The following KIF14 variants were observed in gnomAD, a reference collection of about 807,000 sequenced individuals.
KIF14 encodes kinesin family member 14, also known as kinesin-like protein KIF14.
Under a neutral mutation model 176.2 loss-of-function variants are expected in KIF14, and 98 were observed. The observed-to-expected ratio is 0.56, with a 90% CI of 0.47 to 0.66. The LOEUF is 0.66. Ranked by LOEUF, KIF14 falls within the 30% of genes least tolerant of loss-of-function variation. The pLI is 0.00. For synonymous variants in KIF14, 566 were observed against 632.2 expected (o/e 0.90, Z 1.57); for missense variants, 1,751 against 1,920.4 (o/e 0.91, Z 1.65).
chr1:200,573,423 A>ATTTTTTT (rs1657921825), intron 22 of KIF14, among the ~76,000 whole-genome samples: 1 of 84,430 alleles, frequency 1.2e-5, no homozygotes, highest in African/African-American at 6.0e-5. Context: ...CAAGGAGCTC[A>ATTTTTTT]TTTCTTTTTT....
chr1:200,615,305 A>G (rs1372766243), intron 3 of KIF14, 50 bp downstream of exon 3: 2 of 1,545,898 alleles, frequency 1.3e-6, no homozygotes, highest in African/African-American at 2.8e-5. Context: ...CACTTCTCAC[A>G]AAAGTATATT....
chr1:200,567,675 T>C (rs1657546570), intron 23 of KIF14, among the ~76,000 whole-genome samples: 2 of 152,090 alleles, frequency 1.3e-5, no homozygotes, highest in African/African-American at 4.8e-5. Context: ...AATAACTTTA[T>C]CCTGGAGTCC....
Position 200,575,571 on chromosome 1 carries a change from A to G in KIF14, c.3566+20T>C. Reference sequence around the variant, plus strand: ...TGCACACACAAAGTGCAAGAAAACTAGTAACAAAATTGTCTTTACCTCCTT... The same window carrying G: ...TGCACACACAAAGTGCAAGAAAACTGGTAACAAAATTGTCTTTACCTCCTT... On this transcript the variant is annotated intron_variant, in intron 22 of 29. Coordinates refer to ENST00000367350, the MANE Select transcript of KIF14 (RefSeq NM_014875.3). The G allele has an allele frequency of 6.8e-7, 1 of 1,468,870 alleles. No individual in the cohort carries two copies. Among genetic ancestry groups the G allele is most frequent in the Non-Finnish European group, 9.4e-7 (1 of 1,064,318 alleles). 91.0% of individuals were successfully genotyped at this position (1,468,870 alleles called of 1,614,324 possible).
intron 17 of KIF14, 51 bp from the exon 18 acceptor site, chr1:200,589,420 A>C: frequency 6.8e-7 from 1 of 1,461,784 alleles, no homozygotes; most frequent in Non-Finnish European, 9.3e-7. Flanking sequence ...GTAGCAAAAA[A>C]GTACAAAAGT....
intron 21 of KIF14, among the ~76,000 whole-genome samples, chr1:200,580,041 C>T (rs1188076648): frequency 6.6e-6 from 1 of 151,766 alleles, no homozygotes; most frequent in East Asian, 1.9e-4. Context: ...TAAAACAATC[C>T]AATAAAACTC....
chr1:200,598,271 G>C lies in KIF14; in HGVS notation c.2515C>G (p.Gln839Glu), dbSNP rs775512436. Reference protein sequence around the residue: ...KYKPNSSHDIQLSGVLIADDH... With the variant: ...KYKPNSSHDIELSGVLIADDH... ...TCAGCAATCAGCACCCCAGATAACT[G>C]AATATCATGGCTTGAGTTTGGTTTA... The change falls in exon 14 of 30, where the codon CAG (glutamine) becomes GAG (glutamate). Residue 839 changes from glutamine to glutamate, a missense_variant. Physicochemically the swap from Gln to Glu is conservative, Grantham distance 29. Coordinates refer to ENST00000367350, the MANE Select transcript of KIF14 (RefSeq NM_014875.3). The C allele has an allele frequency of 4.3e-6, 7 of 1,612,790 alleles. No individual in the cohort carries two copies. The highest frequency in any genetic ancestry group is 5.9e-6 in the Non-Finnish European group (7 of 1,179,634).
rs190112834 is a variant in KIF14 at position 200,597,055 on chromosome 1, C to T, written c.2549+1182G>A. Among the ~76,000 whole-genome samples, 16 of 151,778 alleles carry T rather than the reference C, an allele frequency of 1.1e-4. 1 individual carries two copies. The highest frequency in any genetic ancestry group is 4.6e-4 in the Admixed American group (7 of 15,230). ...CTGGGATTACAGGCAGGTACCACCA[C>T]GCCCAGAAAATTTTTTGTATTTTTA... On this transcript the variant is annotated intron_variant, in intron 14 of 29. Coordinates refer to ENST00000367350, the MANE Select transcript of KIF14 (RefSeq NM_014875.3).
At chr1:200,597,907 G>T (rs1465229256) in intron 14 of KIF14, among the ~76,000 whole-genome samples, 1 of 151,902 alleles carries the variant, frequency 6.6e-6, no homozygotes, top group Non-Finnish European at 1.5e-5. Context: ...TTTTAAATTG[G>T]TCAATCCAAC....
chr1:200,577,968 T>C (rs540338849), intron 21 of KIF14, among the ~76,000 whole-genome samples: 1 of 151,836 alleles, frequency 6.6e-6, no homozygotes, highest in Admixed American at 6.5e-5. Context: ...TTTTTTTTTT[T>C]CGAGGCCAGT....
intron 19 of KIF14, 68 bp downstream of exon 19, chr1:200,586,028 ATATTT>A: frequency 9.2e-7 from 1 of 1,088,734 alleles, no homozygotes; most frequent in South Asian, 2.6e-5. Context: ...ACTAATGCTA[ATATTT>A]TAGTAATTAT....
intron 29 of KIF14, 33 bp downstream of exon 29, chr1:200,554,435 T>G: frequency 7.3e-7 from 1 of 1,375,126 alleles, no homozygotes; most frequent in South Asian, 1.3e-5. Flanking sequence ...AAATATAAAA[T>G]TCTGATTATA....
intron 5 of KIF14, 119 bp downstream of exon 5, chr1:200,608,711 C>A (rs1660008900): frequency 3.2e-6 from 2 of 630,640 alleles, no homozygotes; most frequent in Non-Finnish European, 5.6e-6. Flanking sequence ...TAGATCCAAG[C>A]ATTTGCTTTC....
chr1:200,565,264 A>C lies in KIF14; in HGVS notation c.3887-11T>G, dbSNP rs559289283. The C allele has an allele frequency of 6.3e-7, 1 of 1,579,290 alleles. No individual in the cohort carries two copies. Among genetic ancestry groups the C allele is most frequent in the East Asian group, 2.2e-5 (1 of 44,588 alleles). ...GATCAGAAGAAAACACTTTGAAAGA[A>C]GAAGAAAAATTACTGAATGAAATAT... On this transcript the variant is annotated splice_polypyrimidine_tract_variant and intron_variant, in intron 24 of 29. Coordinates refer to ENST00000367350, the MANE Select transcript of KIF14 (RefSeq NM_014875.3).
At chr1:200,592,623 C>T (rs1323255875) in intron 15 of KIF14, among the ~76,000 whole-genome samples, 6 of 152,208 alleles carry the variant, frequency 3.9e-5, no homozygotes. Flanking sequence ...ATCCACCCAC[C>T]TTGGCCTCCC....
intron 14 of KIF14, among the ~76,000 whole-genome samples, chr1:200,596,423 G>A (rs761364449): frequency 2.0e-5 from 3 of 151,872 alleles, no homozygotes; most frequent in Non-Finnish European, 4.4e-5. Flanking sequence ...CTATTCATGT[G>A]GAAAATAAAT....
In KIF14 at chr1:200,613,395, T is replaced by C. The variant is rs370499058; in HGVS notation, c.1455+923A>G. Among the ~76,000 whole-genome samples, 6 of 152,342 alleles carry C rather than the reference T, an allele frequency of 3.9e-5. No individual in the cohort carries two copies. The East Asian group carries it at 5.8e-4, about 15-fold the overall frequency. The stretch of plus-strand genomic sequence containing the variant: ...AAATAAGCTCAGCTGCTCCTTCCTC[T>C]GAGAGAATGTCTCCCTCCAACTTTA... On this transcript the variant is annotated intron_variant, in intron 4 of 29. Transcript: ENST00000367350.
At chr1:200,577,712 AAAG>A (rs1319617479) in intron 21 of KIF14, among the ~76,000 whole-genome samples, 4 of 151,568 alleles carry the variant, frequency 2.6e-5, no homozygotes, top group African/African-American at 9.8e-5. Context: ...AAAAAGAAAA[AAAG>A]AAAAAAAAAA....
chr1:200,566,283 CT>C lies in KIF14; in HGVS notation c.3662-615del, dbSNP rs766736888. Among the ~76,000 whole-genome samples, 752 of 139,298 alleles carry C rather than the reference CT, an allele frequency of 5.4e-3. 1 individual carries two copies. Among genetic ancestry groups the C allele is most frequent in the African/African-American group, 9.2e-3 (361 of 39,110 alleles). 91.4% of individuals were successfully genotyped at this position (139,298 alleles called of 152,430 possible). The stretch of plus-strand genomic sequence containing the variant: ...GGAATTAATTTTCTTTTCTTTCTTT[CT>C]TTTTTTTTTTTTAAGAGACAGGGTT... On this transcript the variant is annotated intron_variant, in intron 23 of 29. Coordinates refer to ENST00000367350, the MANE Select transcript of KIF14 (RefSeq NM_014875.3).
chr1:200,575,968 A>G (rs1658078895), intron 21 of KIF14, among the ~76,000 whole-genome samples: 1 of 152,174 alleles, frequency 6.6e-6, no homozygotes, highest in Non-Finnish European at 1.5e-5. Flanking sequence ...GTAAAAACAT[A>G]AACAATAAAA....
Sources: gnomAD v4.1 joint callset for allele counts (sites outside exome capture counted in the v4.1 genomes callset) on GRCh38, gnomAD v4.1.1 for gene constraint, MANE v1.5 for transcripts, NCBI Gene and HGNC (gene_info 2026-07-23, HGNC 2026-07-21) for gene names.